Variants in PTPRG observed in about 807,000 individuals in gnomAD.
The protein encoded by PTPRG is receptor-type tyrosine-protein phosphatase gamma.
A neutral mutation model predicts 165.3 loss-of-function variants in PTPRG; 102 were observed. The ratio of observed to expected loss-of-function variants is 0.62; its 90% CI spans 0.53 to 0.73. PTPRG has a LOEUF of 0.73. PTPRG is among the 30% of genes least tolerant of loss of function. The pLI is 0.00. For synonymous variants in PTPRG, 675 were observed against 669.5 expected, an observed-to-expected ratio of 1.01 and a Z score of -0.13; for missense variants, 1,866 against 1,861.4, an observed-to-expected ratio of 1.00 and a Z score of -0.05.
intron 2 of PTPRG, among the ~76,000 whole-genome samples, chr3:61,948,351 G>C (rs2039815825): frequency 2.0e-5 from 3 of 151,922 alleles, no homozygotes; most frequent in Non-Finnish European, 4.4e-5. Context: ...GGAAACTGTT[G>C]ACTGCTCATA....
At chr3:61,843,858 C>T (rs1449869766) in intron 2 of PTPRG, among the ~76,000 whole-genome samples, 1 of 151,154 alleles carries the variant, frequency 6.6e-6, no homozygotes, top group Non-Finnish European at 1.5e-5. Flanking sequence ...TTTTCCAAGT[C>T]ACCAATTCCA....
chr3:61,628,034 T>G (rs927618790), intron 1 of PTPRG, among the ~76,000 whole-genome samples: 6 of 152,144 alleles, frequency 3.9e-5, no homozygotes, highest in Admixed American at 1.3e-4. Flanking sequence ...TTTAGATAAC[T>G]GAGATAAGCC....
intron 4 of PTPRG, among the ~76,000 whole-genome samples, chr3:62,072,393 C>T (rs1701237309): frequency 6.6e-6 from 1 of 152,204 alleles, no homozygotes; most frequent in South Asian, 2.1e-4. Flanking sequence ...CTATGTTATC[C>T]ATCACCTTGA....
At chr3:61,958,599 G>A (rs1416960107) in intron 2 of PTPRG, among the ~76,000 whole-genome samples, 5 of 152,074 alleles carry the variant, frequency 3.3e-5, no homozygotes, top group Admixed American at 2.6e-4. Flanking sequence ...CATAGTTACA[G>A]GTTTTTTCTT....
At chr3:62,016,497 T>A (rs1174697038) in intron 4 of PTPRG, among the ~76,000 whole-genome samples, 1 of 152,132 alleles carries the variant, frequency 6.6e-6, no homozygotes, top group East Asian at 1.9e-4. Context: ...CTCAGTAGTC[T>A]TCTTGTCACA....
intron 3 of PTPRG, among the ~76,000 whole-genome samples, chr3:61,999,601 A>G (rs1250072254): frequency 6.6e-6 from 1 of 152,074 alleles, no homozygotes; most frequent in East Asian, 1.9e-4. Flanking sequence ...TAATTTTTAG[A>G]TTAAATTTTA....
chr3:61,925,324 G>A (rs1218033949), intron 2 of PTPRG, among the ~76,000 whole-genome samples: 3 of 152,176 alleles, frequency 2.0e-5, no homozygotes, highest in Non-Finnish European at 2.9e-5. Flanking sequence ...GTCACCTTGT[G>A]GGTCCAAAAT....
intron 8 of PTPRG, among the ~76,000 whole-genome samples, chr3:62,179,084 G>C (rs1230375050): frequency 1.3e-5 from 2 of 152,150 alleles, no homozygotes; most frequent in Non-Finnish European, 2.9e-5. Flanking sequence ...AACAAACACG[G>C]GTTGGTTGAA....
chr3:61,589,876 A>G (rs973403653), intron 1 of PTPRG, among the ~76,000 whole-genome samples: 3 of 152,168 alleles, frequency 2.0e-5, no homozygotes, highest in African/African-American at 7.2e-5. Context: ...ATGTGTAGTC[A>G]GGGTCAGTTA....
chr3:62,049,639 A>G (rs564194631), intron 4 of PTPRG, among the ~76,000 whole-genome samples: 72 of 152,308 alleles, frequency 4.7e-4, no homozygotes, highest in Non-Finnish European at 7.6e-4. Flanking sequence ...TTGAACTTGC[A>G]TAGGTTCAAA....
rs1037212486 is a variant in PTPRG, at chr3:62,124,243, C to T, written c.616-8359C>T. ...CTTTCCTGTCATTTGACATTAACTC[C>T]GAAGGGAATTCAGAAGCCTGCAAGG... On this transcript the variant is annotated intron_variant, in intron 5 of 29. Transcript: ENST00000474889. The T allele has an allele frequency of 8.7e-5, 111 of 1,271,790 alleles. 1 individual carries two copies. Among genetic ancestry groups the T allele is most frequent in the African/African-American group, 4.0e-4 (27 of 67,956 alleles). 78.8% of individuals were successfully genotyped at this position (1,271,790 alleles called of 1,614,324 possible).
At chr3:61,943,920 A>G (rs2039692631) in intron 2 of PTPRG, among the ~76,000 whole-genome samples, 1 of 152,212 alleles carries the variant, frequency 6.6e-6, no homozygotes, top group Non-Finnish European at 1.5e-5. Flanking sequence ...TAGCAGTTTC[A>G]GATCTGGGTT....
intron 4 of PTPRG, among the ~76,000 whole-genome samples, chr3:62,069,095 G>A (rs571020633): frequency 1.2e-4 from 19 of 152,304 alleles, no homozygotes; most frequent in Non-Finnish European, 2.5e-4. Context: ...TGTGGAAATG[G>A]TTTATTTGAA....
rs994274271 is a variant in PTPRG at position 62,112,606 on chromosome 3, G to A, written c.616-19996G>A. ...TAGATATTAACTGTTACTATTATTT[G>A]AGGAACAGATTGCTTCTAGCATTTG... is the stretch of plus-strand genomic sequence containing the variant. On this transcript the variant is annotated intron_variant, in intron 5 of 29. Coordinates refer to ENST00000474889, the MANE Select transcript of PTPRG (RefSeq NM_002841.4). 3.9e-5 allele frequency among the ~76,000 whole-genome samples: 6 copies of A among 152,332 alleles called. No homozygotes were observed. In the East Asian group the frequency reaches 9.6e-4, roughly 24 times the overall value.
chr3:61,600,159 CAAA>C (rs376881197), intron 1 of PTPRG, among the ~76,000 whole-genome samples: 1,778 of 113,334 alleles, frequency 0.016, 13 homozygotes, highest in Non-Finnish European at 0.018. Context: ...GACATTGTCT[CAAA>C]AAAAAAAAAA....
At chr3:62,184,041 A>G (rs1705769843) in intron 8 of PTPRG, among the ~76,000 whole-genome samples, 1 of 152,160 alleles carries the variant, frequency 6.6e-6, no homozygotes, top group Non-Finnish European at 1.5e-5. Flanking sequence ...TCAGTTCTCC[A>G]TTCTCTTCTC....
rs998263896 is a variant in PTPRG, at chr3:62,007,759, A to G, written c.519+4262A>G. ...TAGGGGATGGAAGCTTTCAATGGAG[A>G]CATGGATACTTATTAGACGGAAAAG... On this transcript the variant is annotated intron_variant, in intron 4 of 29. Transcript: ENST00000474889. 3.3e-5 allele frequency among the ~76,000 whole-genome samples: 5 copies of G among 152,258 alleles called. No individual in the cohort carries two copies. The East Asian group carries it at 9.6e-4, about 29-fold the overall frequency.
In PTPRG at chr3:62,195,897, G is replaced by A. The variant is rs556074248; in HGVS notation, c.1327+727G>A. ...CAACCTCTGCCTCCTGGGTTCAAGT[G>A]ATGCCTCAGCCTCCTGAGTAGCTGG... On this transcript the variant is annotated intron_variant, in intron 10 of 29. Coordinates refer to ENST00000474889, the MANE Select transcript of PTPRG (RefSeq NM_002841.4). This position sits in a 1 kb window ranked among gnomAD's most constrained non-coding sequence, Gnocchi z 4.4. Among the ~76,000 whole-genome samples, 1 of 152,128 alleles carries A rather than the reference G, an allele frequency of 6.6e-6. No homozygotes were observed. Among genetic ancestry groups the A allele is most frequent in the African/African-American group, 2.4e-5 (1 of 41,524 alleles).
At chr3:61,737,671 A>G (rs1575620600) in intron 1 of PTPRG, among the ~76,000 whole-genome samples, 1 of 152,200 alleles carries the variant, frequency 6.6e-6, no homozygotes, top group African/African-American at 2.4e-5. Context: ...CACCCCCTTC[A>G]TGATACGGTG....
Sources: allele counts gnomAD v4.1 joint callset (sites outside exome capture counted in the v4.1 genomes callset), GRCh38; gene constraint gnomAD v4.1.1; non-coding constraint Gnocchi (gnomAD v3.1); transcripts MANE v1.5; gene names NCBI Gene and HGNC (gene_info 2026-07-23, HGNC 2026-07-21).